Variants in CALN1 observed in about 807,000 individuals in gnomAD.
The protein encoded by CALN1 is calcium-binding protein 8.
A neutral mutation model predicts 30.6 loss-of-function variants in CALN1; 17 were observed. The observed-to-expected ratio is 0.56, with a 90% CI of 0.38 to 0.83. CALN1 has a LOEUF of 0.83. Ranked by LOEUF, CALN1 falls within the 40% of genes least tolerant of loss-of-function variation. The pLI is 0.00. For synonymous variants in CALN1, 156 were observed against 131.4 expected (o/e 1.19, Z -1.28); for missense variants, 291 against 354.9 (o/e 0.82, Z 1.45).
intron 5 of CALN1, among the ~76,000 whole-genome samples, chr7:71,823,344 T>A (rs1788703498): frequency 6.6e-6 from 1 of 152,334 alleles, no homozygotes; most frequent in East Asian, 1.9e-4. Flanking sequence ...TAAATTTTTA[T>A]ATTTTTTGTA....
At chr7:72,408,987 CT>C (rs1031883332) in intron 1 of CALN1, among the ~76,000 whole-genome samples, 3 of 151,072 alleles carry the variant, frequency 2.0e-5, no homozygotes, top group Non-Finnish European at 2.9e-5. Context: ...CCCAAGTATA[CT>C]TTTTTTGGGG....
the CALN1 span, among the ~76,000 whole-genome samples, chr7:72,476,571 GAA>G: frequency 6.6e-6 from 1 of 152,130 alleles, no homozygotes; most frequent in African/African-American, 2.4e-5. Flanking sequence ...CAAAATAGTG[GAA>G]TTCTACTAGA....
rs926650070 is a variant in CALN1 at position 72,398,703 on chromosome 7, T to G, written c.119+4548A>C. Among the ~76,000 whole-genome samples, 3 of 152,334 alleles carry G rather than the reference T, an allele frequency of 2.0e-5. No homozygotes were observed. In the East Asian group the frequency reaches 5.8e-4, roughly 29 times the overall value. On this transcript the variant is annotated intron_variant, in intron 2 of 6. Coordinates refer to ENST00000395275, the MANE Select transcript of CALN1 (RefSeq NM_031468.4). ...GACAAGAAGTAAAGAAGTGAAGGAT[T>G]TCACTGCTCCTCTTAGGGGTCCTGG...
chr7:72,121,359 AAT>A (rs1463866108), intron 3 of CALN1, among the ~76,000 whole-genome samples: 17 of 145,346 alleles, frequency 1.2e-4, no homozygotes, highest in African/African-American at 3.0e-4. Context: ...ATAATTATGC[AAT>A]ATGATATATA....
upstream of CALN1, among the ~76,000 whole-genome samples, chr7:72,417,038 C>T (rs981718610): frequency 3.3e-5 from 5 of 152,212 alleles, no homozygotes; most frequent in Admixed American, 6.5e-5. Flanking sequence ...TCAGCTTCCC[C>T]GGGATTCCCA....
chr7:72,398,936 G>A (rs908553519), intron 2 of CALN1, among the ~76,000 whole-genome samples: 3 of 152,218 alleles, frequency 2.0e-5, no homozygotes, highest in African/African-American at 4.8e-5. Context: ...GGTACCCACT[G>A]CTTCCTCCTG....
intron 2 of CALN1, among the ~76,000 whole-genome samples, chr7:72,401,551 T>C (rs1383754482): frequency 6.6e-6 from 1 of 152,010 alleles, no homozygotes; most frequent in East Asian, 1.9e-4. Context: ...CCCCAGGGTC[T>C]AAAGGGAGTT....
At chr7:72,322,940 T>C (rs573764011) in intron 2 of CALN1, among the ~76,000 whole-genome samples, 101 of 127,126 alleles carry the variant, frequency 7.9e-4, no homozygotes, top group African/African-American at 2.9e-3. Flanking sequence ...CCCACAAAAA[T>C]CAAAAAAATT....
intron 1 of CALN1, among the ~76,000 whole-genome samples, chr7:72,438,024 G>C (rs1449260074): frequency 6.6e-6 from 1 of 151,282 alleles, no homozygotes; most frequent in Admixed American, 6.6e-5. Flanking sequence ...GCCCAGGTTG[G>C]AGTGCAGTGG....
rs750469911 is a variant in CALN1 at position 71,962,549 on chromosome 7, A to G, written c.501+61108T>C. ...TGAATGGACATTCTGGACTATATAG[A>G]GAGTGAATATTTCCCCTCATCTCAA... is the stretch of plus-strand genomic sequence containing the variant. On this transcript the variant is annotated intron_variant, in intron 5 of 6. Transcript: ENST00000395275. 8.4e-4 allele frequency among the ~76,000 whole-genome samples: 128 copies of G among 152,334 alleles called. 1 individual carries two copies. Among genetic ancestry groups the G allele is most frequent in the Non-Finnish European group, 1.6e-3 (109 of 68,034 alleles).
rs764276435 is a variant in CALN1 at position 72,247,227 on chromosome 7, C to CTTTTTTTTTT, written c.244+31449_244+31458dup. ...GGGTTTTCAACAGACCATTTTCTTT[C>CTTTTTTTTTT]TTTTTTTTTTTTTTTTTTTTTTTTT... is the stretch of plus-strand genomic sequence containing the variant. On this transcript the variant is annotated intron_variant, in intron 3 of 6. Transcript: ENST00000395275. Among the ~76,000 whole-genome samples, 382 of 77,674 alleles carry CTTTTTTTTTT rather than the reference C, an allele frequency of 4.9e-3. 37 individuals carry two copies. Among genetic ancestry groups the CTTTTTTTTTT allele is most frequent in the Non-Finnish European group, 7.2e-3 (311 of 42,930 alleles). The allele number at this position is 77,674 out of a possible 152,430, so 51.0% of individuals were successfully genotyped here.
intron 2 of CALN1, among the ~76,000 whole-genome samples, chr7:72,380,556 T>C (rs1453637564): frequency 3.3e-5 from 5 of 152,158 alleles, no homozygotes; most frequent in Non-Finnish European, 7.3e-5. Flanking sequence ...CCATGACTTC[T>C]CATTTACCTG....
chr7:72,327,917 G>C (rs1801391158), intron 2 of CALN1, among the ~76,000 whole-genome samples: 2 of 152,112 alleles, frequency 1.3e-5, no homozygotes, highest in South Asian at 2.1e-4. Flanking sequence ...AAGAAACTTG[G>C]AGAGTAATTT....
intron 5 of CALN1, among the ~76,000 whole-genome samples, chr7:71,970,584 C>CTT (rs201279221): frequency 0.048 from 6,930 of 143,658 alleles, 364 homozygotes; most frequent in African/African-American, 0.14. Flanking sequence ...CAAAATATAC[C>CTT]TTTTTTTTTT....
chr7:72,360,468 C>T (rs1022132024), intron 2 of CALN1, among the ~76,000 whole-genome samples: 2 of 151,624 alleles, frequency 1.3e-5, no homozygotes, highest in African/African-American at 2.4e-5. Flanking sequence ...AGACATCACA[C>T]ATGTTTATAG....
At chr7:72,459,351 A>G in the CALN1 span, among the ~76,000 whole-genome samples, 1 of 152,216 alleles carries the variant, frequency 6.6e-6, no homozygotes, top group Non-Finnish European at 1.5e-5. Context: ...CTGTCCAATA[A>G]GTAAATAGTT....
chr7:72,360,716 G>T (rs998794425), intron 2 of CALN1, among the ~76,000 whole-genome samples: 1 of 148,628 alleles, frequency 6.7e-6, no homozygotes, highest in Admixed American at 6.7e-5. Context: ...CGTTGTGCAC[G>T]TGTACCCTAG....
At chr7:72,090,179 G>A (rs1264673140) in intron 4 of CALN1, among the ~76,000 whole-genome samples, 1 of 152,220 alleles carries the variant, frequency 6.6e-6, no homozygotes, top group Non-Finnish European at 1.5e-5. Flanking sequence ...GCGCATGCCT[G>A]TAGTCCCAGC....
At chr7:72,124,169 G>A (rs1808581389) in intron 3 of CALN1, among the ~76,000 whole-genome samples, 2 of 152,226 alleles carry the variant, frequency 1.3e-5, no homozygotes, top group Middle Eastern at 3.4e-3. Flanking sequence ...GAAGCTGAGC[G>A]GCTCATGTCC....
Sources: gnomAD v4.1 joint callset for allele counts (sites outside exome capture counted in the v4.1 genomes callset) on GRCh38, gnomAD v4.1.1 for gene constraint, MANE v1.5 for transcripts, NCBI Gene and HGNC (gene_info 2026-07-23, HGNC 2026-07-21) for gene names.